The following TMEM132B variants were observed in gnomAD, a reference collection of about 807,000 sequenced individuals.
TMEM132B encodes the protein transmembrane protein 132B.
A neutral mutation model predicts 90.8 loss-of-function variants in TMEM132B; 18 were observed. The ratio of observed to expected loss-of-function variants is 0.20; its 90% CI spans 0.14 to 0.29. The LOEUF (loss-of-function observed/expected upper bound fraction) is 0.29, where lower values mean the gene tolerates loss of function less well. Ranked by LOEUF, TMEM132B falls within the 10% of genes least tolerant of loss-of-function variation. The pLI is 1.00. For synonymous variants in TMEM132B, 504 were observed against 523.3 expected, an observed-to-expected ratio of 0.96 and a Z score of 0.50; for missense variants, 1,096 against 1,326.8, an observed-to-expected ratio of 0.83 and a Z score of 2.70.
In TMEM132B at chr12:125,427,762, A is replaced by G. The variant is rs143463530; in HGVS notation, c.1106+12085A>G. Among the ~76,000 whole-genome samples the G allele has an allele frequency of 8.5e-3, 1,290 of 152,320 alleles. 6 individuals are homozygous for G. The highest frequency in any genetic ancestry group is 0.026 in the South Asian group (124 of 4,828). ...AGTTTCTCTTAGAACTCCAAGTGGC[A>G]TTGAGATTCCAACACGACCTTTCTT... On this transcript the variant is annotated intron_variant, in intron 3 of 8. Coordinates refer to ENST00000682704, the MANE Select transcript of TMEM132B (RefSeq NM_001366854.1).
chr12:125,457,909 G>A (rs1298295367), intron 3 of TMEM132B, among the ~76,000 whole-genome samples: 1 of 152,178 alleles, frequency 6.6e-6, no homozygotes, highest in Admixed American at 6.5e-5. Flanking sequence ...GGACAGGCAG[G>A]TGGAGATGAG....
intron 1 of TMEM132B, among the ~76,000 whole-genome samples, chr12:125,195,502 G>A (rs1272221082): frequency 6.8e-6 from 1 of 148,110 alleles, no homozygotes; most frequent in Admixed American, 6.9e-5. Flanking sequence ...GGGTTCAAGT[G>A]ATTCTCCTGC....
chr12:125,233,715 C>T lies in TMEM132B; in HGVS notation c.67+46849C>T, dbSNP rs548573086. Among the ~76,000 whole-genome samples the T allele has an allele frequency of 2.2e-4, 34 of 152,334 alleles. 1 individual carries two copies. Among genetic ancestry groups the T allele is most frequent in the African/African-American group, 6.7e-4 (28 of 41,576 alleles). On this transcript the variant is annotated intron_variant, in intron 1 of 8. Transcript: ENST00000682704. ...GCCATTTAGTCTGAATCAAAACAGACTTTTCCACTAGTAGGCTTGGGGCTT... is the reference window on the plus strand; with the variant it reads ...GCCATTTAGTCTGAATCAAAACAGATTTTTCCACTAGTAGGCTTGGGGCTT...
intron 2 of TMEM132B, among the ~76,000 whole-genome samples, chr12:125,396,970 C>T (rs1001301757): frequency 2.0e-5 from 3 of 150,462 alleles, no homozygotes; most frequent in African/African-American, 7.5e-5. Context: ...GTCTTAACTT[C>T]ACTATTCTTT....
chr12:125,530,654 C>T (rs908469665), intron 4 of TMEM132B, among the ~76,000 whole-genome samples: 3 of 152,222 alleles, frequency 2.0e-5, no homozygotes, highest in African/African-American at 7.2e-5. Context: ...TCTTCCCTGC[C>T]TCTTCCAGCT....
chr12:125,477,987 CCT>C (rs1448359969), intron 3 of TMEM132B, among the ~76,000 whole-genome samples: 4 of 152,162 alleles, frequency 2.6e-5, no homozygotes, highest in Non-Finnish European at 5.9e-5. Context: ...CTGAAGTGGA[CCT>C]CCAGCAAACT....
intron 2 of TMEM132B, among the ~76,000 whole-genome samples, chr12:125,402,666 T>C (rs1879353463): frequency 6.6e-6 from 1 of 152,212 alleles, no homozygotes; most frequent in Admixed American, 6.5e-5. Flanking sequence ...GGCAGAGATG[T>C]TGAAGTGGTG....
At chr12:125,279,582 A>G (rs1176304256) in intron 1 of TMEM132B, among the ~76,000 whole-genome samples, 1 of 152,198 alleles carries the variant, frequency 6.6e-6, no homozygotes, top group Non-Finnish European at 1.5e-5. Flanking sequence ...CTGGAAGAAG[A>G]GTGTGCTTTG....
At chr12:125,355,677 T>C (rs1290287787) in intron 2 of TMEM132B, among the ~76,000 whole-genome samples, 1 of 152,216 alleles carries the variant, frequency 6.6e-6, no homozygotes, top group Non-Finnish European at 1.5e-5. Flanking sequence ...TGATTGTCTG[T>C]TTTAATCATG....
chr12:125,501,640 A>G (rs921719761), intron 3 of TMEM132B, among the ~76,000 whole-genome samples: 8 of 151,510 alleles, frequency 5.3e-5, no homozygotes, highest in Admixed American at 1.3e-4. Context: ...TCATATTTTT[A>G]TTTGTTAAAT....
rs74765275 is a variant in TMEM132B at position 125,279,064 on chromosome 12, C to T, written c.68-70388C>T. On this transcript the variant is annotated intron_variant, in intron 1 of 8. Transcript: ENST00000682704. ...TGCCATGCTGGGTACAGACAGGGGT[C>T]ATTGGTAGTGGAGGTATTTGGGCAT... 3.3e-3 allele frequency among the ~76,000 whole-genome samples: 507 copies of T among 152,292 alleles called. 6 individuals carry two copies. In the East Asian group the frequency reaches 0.044, roughly 13 times the overall value.
intron 1 of TMEM132B, among the ~76,000 whole-genome samples, chr12:125,309,422 C>T (rs1311019630): frequency 2.0e-5 from 3 of 152,174 alleles, no homozygotes; most frequent in African/African-American, 7.2e-5. Context: ...CATTCCCACA[C>T]TTTAGAATCT....
chr12:125,544,138 G>C (rs1566068727), intron 4 of TMEM132B, among the ~76,000 whole-genome samples: 3 of 152,216 alleles, frequency 2.0e-5, no homozygotes. Context: ...TCATAGGTGG[G>C]AGTTGAACAG....
At chr12:125,245,690 T>TG (rs369910734) in intron 1 of TMEM132B, among the ~76,000 whole-genome samples, 4,256 of 151,938 alleles carry the variant, frequency 0.028, 95 homozygotes, top group Non-Finnish European at 0.042. Flanking sequence ...TGTCGGGGGA[T>TG]GGGGGGGGAC....
intron 2 of TMEM132B, among the ~76,000 whole-genome samples, chr12:125,369,236 G>A (rs1878223944): frequency 6.6e-6 from 1 of 152,186 alleles, no homozygotes. Context: ...ATTCCATGGT[G>A]TACATGTGCC....
intron 4 of TMEM132B, among the ~76,000 whole-genome samples, chr12:125,554,016 T>C (rs971590969): frequency 6.6e-6 from 1 of 152,268 alleles, no homozygotes; most frequent in Non-Finnish European, 1.5e-5. Flanking sequence ...CTGTTGATTA[T>C]AAATGTACAG....
intron 1 of TMEM132B, among the ~76,000 whole-genome samples, chr12:125,191,802 C>A (rs1056642160): frequency 5.3e-5 from 8 of 149,784 alleles, no homozygotes; most frequent in African/African-American, 1.9e-4. Context: ...GAATTTTGGT[C>A]TCATGCACTG....
intron 4 of TMEM132B, among the ~76,000 whole-genome samples, chr12:125,535,352 C>T (rs1160277216): frequency 1.3e-5 from 2 of 152,156 alleles, no homozygotes; most frequent in Non-Finnish European, 2.9e-5. Flanking sequence ...TTCCAGCCCA[C>T]TGTGTTTAAC....
chr12:125,540,145 T>C (rs1309600508), intron 4 of TMEM132B, among the ~76,000 whole-genome samples: 2 of 152,266 alleles, frequency 1.3e-5, no homozygotes, highest in Non-Finnish European at 2.9e-5. Flanking sequence ...CTATTACTGA[T>C]TTCTAACTTT....
Sources: gnomAD v4.1 joint callset for allele counts (sites outside exome capture counted in the v4.1 genomes callset) on GRCh38, gnomAD v4.1.1 for gene constraint, MANE v1.5 for transcripts, NCBI Gene and HGNC (gene_info 2026-07-23, HGNC 2026-07-21) for gene names.